USP49: variants seen among roughly 807,000 people sequenced by gnomAD.
The protein encoded by USP49 is ubiquitin specific peptidase 49.
Under a neutral mutation model 58.6 loss-of-function variants are expected in USP49, and 24 were observed. The observed-to-expected ratio is 0.41, with a 90% CI of 0.30 to 0.58. The LOEUF (loss-of-function observed/expected upper bound fraction) is 0.58, where lower values mean the gene tolerates loss of function less well. Among genes scored for constraint, USP49 ranks in the 20% least tolerant of loss-of-function variants. The pLI is 0.30. For synonymous variants in USP49, 408 were observed against 365.1 expected (o/e 1.12, Z -1.34); for missense variants, 703 against 866.1 (o/e 0.81, Z 2.36).
chr6:41,859,357 T>C (rs1774181193), intron 3 of USP49, among the ~76,000 whole-genome samples: 1 of 152,202 alleles, frequency 6.6e-6, no homozygotes. Context: ...TGGCTATCCA[T>C]TCCTTCCTTA....
At position 41,791,196 on chromosome 6, in the gene USP49, G is replaced by A. The variant is rs1356584145; in HGVS notation, c.*5337C>T. Reference sequence around the variant, plus strand: ...AATTTCATTCAAAATTTACTGTTTTGGCTTCAAGTAAGTGTTTACTGTTGG... The same window carrying A: ...AATTTCATTCAAAATTTACTGTTTTAGCTTCAAGTAAGTGTTTACTGTTGG... On this transcript the variant is annotated 3_prime_UTR_variant, in exon 8 of 8. Coordinates refer to ENST00000682992, the MANE Select transcript of USP49 (RefSeq NM_001286554.2). 3 of 152,188 alleles carry A rather than the reference G, an allele frequency of 2.0e-5. No homozygotes were observed. In the East Asian group the frequency reaches 5.8e-4, roughly 29 times the overall value. 9.4% of individuals were successfully genotyped at this position (152,188 alleles called of 1,614,324 possible). A position where few individuals can be genotyped will look rare whatever the true frequency, so the allele number is the denominator to read the frequency against.
At chr6:41,840,544 T>C (rs1015985091) in intron 3 of USP49, among the ~76,000 whole-genome samples, 4 of 152,156 alleles carry the variant, frequency 2.6e-5, no homozygotes, top group African/African-American at 9.6e-5. Flanking sequence ...TCCACGGAAA[T>C]GGGAAAGAGA....
At chr6:41,876,572 C>T (rs1774508347) in intron 2 of USP49, among the ~76,000 whole-genome samples, 1 of 152,100 alleles carries the variant, frequency 6.6e-6, no homozygotes, top group Non-Finnish European at 1.5e-5. Flanking sequence ...TGCCACCACA[C>T]CTGATTAATT....
At chr6:41,844,785 G>T (rs77574517) in intron 3 of USP49, among the ~76,000 whole-genome samples, 1 of 152,014 alleles carries the variant, frequency 6.6e-6, no homozygotes, top group Non-Finnish European at 1.5e-5. Flanking sequence ...GCTCATAACC[G>T]CTGTATCTGT....
At position 41,796,472 on chromosome 6, in the gene USP49, T is replaced by A. The variant is rs938579517; in HGVS notation, c.*61A>T. The A allele has an allele frequency of 1.5e-6, 1 of 688,248 alleles. No individual in the cohort carries two copies. Among genetic ancestry groups the A allele is most frequent in the Non-Finnish European group, 2.7e-6 (1 of 370,026 alleles). 42.6% of individuals were successfully genotyped at this position (688,248 alleles called of 1,614,324 possible). A position where few individuals can be genotyped will look rare whatever the true frequency, so the allele number is the denominator to read the frequency against. On this transcript the variant is annotated 3_prime_UTR_variant, in exon 8 of 8. Coordinates refer to ENST00000682992, the MANE Select transcript of USP49 (RefSeq NM_001286554.2). ...GTTCCTGCAGTAGCCTTATTTCCTA[T>A]AAGAGGAAAGATGTATGGACACCAA...
At chr6:41,797,332 G>A (rs1280163134) in intron 7 of USP49, among the ~76,000 whole-genome samples, 2 of 152,168 alleles carry the variant, frequency 1.3e-5, no homozygotes, top group Admixed American at 6.5e-5. Context: ...AGAAAGAGCT[G>A]CGATACTGCA....
intron 3 of USP49, among the ~76,000 whole-genome samples, chr6:41,847,911 G>A (rs756372548): frequency 2.6e-5 from 4 of 152,138 alleles, no homozygotes; most frequent in Non-Finnish European, 4.4e-5. Flanking sequence ...GAGATAAATG[G>A]ATATGCACAT....
intron 4 of USP49, 71 bp downstream of exon 4, chr6:41,805,557 C>T (rs1373376459): frequency 1.3e-6 from 2 of 1,497,378 alleles, no homozygotes; most frequent in East Asian, 2.3e-5. Flanking sequence ...CCCAATAACC[C>T]GGGGAAGGCA....
At chr6:41,822,769 G>T (rs1446894588) in intron 3 of USP49, among the ~76,000 whole-genome samples, 1 of 150,612 alleles carries the variant, frequency 6.6e-6, no homozygotes, top group Non-Finnish European at 1.5e-5. Context: ...CGCTTGAGCC[G>T]AGATCACACC....
chr6:41,841,033 CA>C (rs966537968), intron 3 of USP49, among the ~76,000 whole-genome samples: 1 of 149,564 alleles, frequency 6.7e-6, no homozygotes, highest in African/African-American at 2.5e-5. Flanking sequence ...AAACAAAAAA[CA>C]AAAAAAAACC....
chr6:41,827,840 T>C (rs905518791), intron 3 of USP49, among the ~76,000 whole-genome samples: 23 of 152,110 alleles, frequency 1.5e-4, no homozygotes, highest in Non-Finnish European at 5.9e-5. Context: ...TTCTCAACAA[T>C]CTAATGAGGC....
rs375745035 is a variant in USP49 at position 41,825,426 on chromosome 6, G to A, written c.-28-18415C>T. ...AAGGTTGTAATGGACACCAACAAGA[G>A]AGGTCACTTAAAAGAAAAAAAAAAA... On this transcript the variant is annotated intron_variant, in intron 3 of 7. Transcript: ENST00000682992. Among the ~76,000 whole-genome samples, 172 of 146,988 alleles carry A rather than the reference G, an allele frequency of 1.2e-3. 8 individuals carry two copies. The South Asian group carries it at 0.036, about 31-fold the overall frequency.
chr6:41,842,926 G>GTCTT (rs1472114306), intron 3 of USP49, among the ~76,000 whole-genome samples: 4 of 151,620 alleles, frequency 2.6e-5, no homozygotes, highest in African/African-American at 7.3e-5. Flanking sequence ...ATATGATGGA[G>GTCTT]TCTTGCTGTG....
Position 41,803,844 on chromosome 6 carries a change from G to C in USP49, c.1523C>G (p.Ala508Gly). The stretch of plus-strand genomic sequence containing the variant: ...ACAAGCGTAGATTCTCCCTTCCAGG[G>C]CCTCTGTCTCTGTGAATTTGGCCAG... ...EMLAKFTETE[A>G]LEGRIYACDQ... Residue 508 changes from alanine (A) to glycine (G), a missense_variant, in exon 5 of 8, where the codon GCC (alanine) becomes GGC (glycine). Physicochemically the swap from Ala to Gly is moderately conservative, Grantham distance 60. Transcript: ENST00000682992. This position sits in a 1 kb window ranked among gnomAD's most constrained non-coding sequence, Gnocchi z 4.1. 1 of 1,614,102 alleles carries C rather than the reference G, an allele frequency of 6.2e-7. No individual in the cohort carries two copies. Among genetic ancestry groups the C allele is most frequent in the Non-Finnish European group, 8.5e-7 (1 of 1,180,016 alleles).
Position 41,794,427 on chromosome 6 carries a change from G to A in USP49, c.*2106C>T, listed in dbSNP as rs1371182644. On this transcript the variant is annotated 3_prime_UTR_variant, in exon 8 of 8. Coordinates refer to ENST00000682992, the MANE Select transcript of USP49 (RefSeq NM_001286554.2). ...ACTGGACAGCCTGAGGGGTAAAGTAGATGCTCTATTAGTTCTTCTCTATCT... is the reference window on the plus strand; with the variant it reads ...ACTGGACAGCCTGAGGGGTAAAGTAAATGCTCTATTAGTTCTTCTCTATCT... The A allele has an allele frequency of 6.6e-6, 1 of 152,200 alleles. No individual in the cohort carries two copies. Among genetic ancestry groups the A allele is most frequent in the Non-Finnish European group, 1.5e-5 (1 of 68,026 alleles). 9.4% of individuals were successfully genotyped at this position (152,200 alleles called of 1,614,324 possible). A position where few individuals can be genotyped will look rare whatever the true frequency, so the allele number is the denominator to read the frequency against.
At chr6:41,830,944 C>G (rs1049631728) in intron 3 of USP49, among the ~76,000 whole-genome samples, 1 of 152,136 alleles carries the variant, frequency 6.6e-6, no homozygotes, top group Non-Finnish European at 1.5e-5. Context: ...ACAAGATAAC[C>G]TGCATTGTCA....
intron 3 of USP49, among the ~76,000 whole-genome samples, chr6:41,816,837 T>C (rs1407635277): frequency 6.7e-6 from 1 of 150,004 alleles, no homozygotes; most frequent in Admixed American, 6.7e-5. Context: ...CCCAAGTAGC[T>C]GGAAGCACAG....
rs187846877 is a variant in USP49, at chr6:41,861,166, G to A, written c.-29+10398C>T. 1.7e-4 allele frequency among the ~76,000 whole-genome samples: 26 copies of A among 151,814 alleles called. No homozygotes were observed. In the East Asian group the frequency reaches 3.7e-3, roughly 22 times the overall value. ...ATAAAAATAAAATAAAACCAGGGCC[G>A]GGCGCAGTGGCTCACGCCTGTAATC... is the stretch of plus-strand genomic sequence containing the variant. On this transcript the variant is annotated intron_variant, in intron 3 of 7. Transcript: ENST00000682992.
intron 3 of USP49, among the ~76,000 whole-genome samples, chr6:41,839,525 G>A (rs910072559): frequency 1.4e-5 from 2 of 142,752 alleles, no homozygotes; most frequent in Non-Finnish European, 3.0e-5. Context: ...CAGAAGAAAA[G>A]AGTAACGAAG....
Sources: allele counts gnomAD v4.1 joint callset (sites outside exome capture counted in the v4.1 genomes callset), GRCh38; gene constraint gnomAD v4.1.1; non-coding constraint Gnocchi (gnomAD v3.1); transcripts MANE v1.5; gene names NCBI Gene and HGNC (gene_info 2026-07-23, HGNC 2026-07-21).